Variants in PYHIN1 observed in about 807,000 individuals in gnomAD.
PYHIN1 encodes pyrin and HIN domain family member 1, also known as pyrin and HIN domain-containing protein 1.
Under a neutral mutation model 43.7 loss-of-function variants are expected in PYHIN1, and 32 were observed. That is an observed-to-expected ratio of 0.73 (90% CI 0.55 to 0.98). PYHIN1 has a LOEUF of 0.98. PYHIN1 is among the 50% of genes least tolerant of loss of function. The pLI is 0.00. For synonymous variants in PYHIN1, 205 were observed against 203.1 expected (o/e 1.01, Z -0.08); for missense variants, 588 against 589.5 (o/e 1.00, Z 0.03).
In PYHIN1 at chr1:158,933,506, T is replaced by A. The variant is rs1193494949; in HGVS notation, c.-21+1730T>A. 6.6e-6 allele frequency among the ~76,000 whole-genome samples: 1 copy of A among 152,006 alleles called. No individual in the cohort carries two copies. The highest frequency in any genetic ancestry group is 6.6e-5 in the Admixed American group (1 of 15,262). On this transcript the variant is annotated intron_variant, in intron 1 of 8. Transcript: ENST00000368140. The surrounding 1 kb of genome is among the most constrained non-coding windows in gnomAD (Gnocchi z 6.3). ...CTTCTAGTTTCTCCTTGCATGATAA[T>A]TTAAATTTTTTTTCATCTTTCAGTG...
intron 7 of PYHIN1, among the ~76,000 whole-genome samples, chr1:158,963,638 A>G (rs1004088532): frequency 5.3e-5 from 8 of 152,222 alleles, no homozygotes; most frequent in African/African-American, 1.9e-4. Flanking sequence ...CACCTACTGG[A>G]TCACAGCCCA....
intron 7 of PYHIN1, among the ~76,000 whole-genome samples, chr1:158,963,768 A>C (rs1320170559): frequency 1.3e-5 from 2 of 152,222 alleles, no homozygotes; most frequent in African/African-American, 4.8e-5. Flanking sequence ...CCAGGAAAGA[A>C]GGTTTCTAAC....
chr1:158,977,917 T>C (rs1281149239), downstream of PYHIN1, among the ~76,000 whole-genome samples: 1 of 152,100 alleles, frequency 6.6e-6, no homozygotes, highest in African/African-American at 2.4e-5. Flanking sequence ...GGATTCCACC[T>C]AAGATGGAGA....
intron 7 of PYHIN1, among the ~76,000 whole-genome samples, chr1:158,972,963 G>A (rs1651019993): frequency 6.6e-6 from 1 of 152,112 alleles, no homozygotes; most frequent in Non-Finnish European, 1.5e-5. Context: ...TTATATCTGT[G>A]TGTATGAAAT....
At chr1:158,968,397 A>T (rs1425461415) in intron 7 of PYHIN1, among the ~76,000 whole-genome samples, 1 of 152,000 alleles carries the variant, frequency 6.6e-6, no homozygotes, top group East Asian at 1.9e-4. Flanking sequence ...CAATGAGGTA[A>T]CATCTCACAC....
chr1:158,957,339 A>G (rs1650004043), intron 7 of PYHIN1, among the ~76,000 whole-genome samples: 1 of 151,974 alleles, frequency 6.6e-6, no homozygotes, highest in Non-Finnish European at 1.5e-5. Flanking sequence ...GCATCACACT[A>G]CCTGACTTCA....
At chr1:158,951,668 T>G (rs1341977958) in intron 7 of PYHIN1, among the ~76,000 whole-genome samples, 10 of 152,208 alleles carry the variant, frequency 6.6e-5, no homozygotes, top group Non-Finnish European at 7.3e-5. Flanking sequence ...AAACATTTAC[T>G]AGACTTTTTG....
chr1:158,981,107 G>A (rs755231878), downstream of PYHIN1, among the ~76,000 whole-genome samples: 7 of 152,102 alleles, frequency 4.6e-5, no homozygotes, highest in African/African-American at 1.4e-4. Context: ...TTATGGCTCC[G>A]TAGTGTACCA....
At chr1:158,974,236 T>A (rs1448304682) in intron 8 of PYHIN1, among the ~76,000 whole-genome samples, 1 of 152,032 alleles carries the variant, frequency 6.6e-6, no homozygotes, top group African/African-American at 2.4e-5. Flanking sequence ...TTTGCCCCAA[T>A]ATATTTCTGG....
chr1:158,943,788 A>T lies in PYHIN1; in HGVS notation c.1003-2A>T. On this transcript the variant is annotated splice_acceptor_variant, in intron 5 of 8. Coordinates refer to ENST00000368140, the MANE Select transcript of PYHIN1 (RefSeq NM_152501.5). LOFTEE classifies it high-confidence loss of function. ...AAACATGATATTAATTTTTTGTTGC[A>T]GAAAATTGTAAATAGGAAGACGACA... 2 of 1,591,146 alleles carry T rather than the reference A, an allele frequency of 1.3e-6. No individual in the cohort carries two copies. Among genetic ancestry groups the T allele is most frequent in the Non-Finnish European group, 8.6e-7 (1 of 1,164,994 alleles).
downstream of PYHIN1, among the ~76,000 whole-genome samples, chr1:158,977,407 C>T (rs945784141): frequency 2.0e-5 from 3 of 152,082 alleles, no homozygotes; most frequent in Non-Finnish European, 1.5e-5. Context: ...AGGCACTTGC[C>T]TATGTTAGAG....
At chr1:158,945,904 T>C (rs1047504162) in intron 7 of PYHIN1, among the ~76,000 whole-genome samples, 2 of 152,114 alleles carry the variant, frequency 1.3e-5, no homozygotes, top group Non-Finnish European at 2.9e-5. Flanking sequence ...CTGTCCCAAT[T>C]GACATAGAAG....
At chr1:158,937,232 T>G in intron 2 of PYHIN1, 57 bp downstream of exon 2, 1 of 1,498,284 alleles carries the variant, frequency 6.7e-7, no homozygotes, top group Non-Finnish European at 8.9e-7. Flanking sequence ...TTCCCAACCT[T>G]GATTAGAACG....
At chr1:158,978,919 A>C (rs910199539), downstream of PYHIN1, among the ~76,000 whole-genome samples, 3 of 152,156 alleles carry the variant, frequency 2.0e-5, no homozygotes, top group African/African-American at 7.2e-5. Flanking sequence ...CCTAACTTTG[A>C]AATGTGTGAA....
intron 7 of PYHIN1, among the ~76,000 whole-genome samples, chr1:158,961,923 T>C (rs1341160726): frequency 6.6e-6 from 1 of 152,134 alleles, no homozygotes; most frequent in African/African-American, 2.4e-5. Flanking sequence ...CACTGGACTC[T>C]AAGCCTCGCC....
the PYHIN1 span, among the ~76,000 whole-genome samples, chr1:158,986,925 A>C: frequency 6.6e-6 from 1 of 152,006 alleles, no homozygotes; most frequent in South Asian, 2.1e-4. Context: ...AGAGTGGGCC[A>C]CTCTACACCT....
At chr1:158,973,451 G>A (rs1444076062) in intron 7 of PYHIN1, among the ~76,000 whole-genome samples, 196 bp from the exon 8 acceptor site, 3 of 150,814 alleles carry the variant, frequency 2.0e-5, no homozygotes, top group Non-Finnish European at 4.4e-5. Flanking sequence ...AAAACTAAAT[G>A]TATGCCAGCA....
chr1:158,938,561 A>T lies in PYHIN1; in HGVS notation c.411+19A>T. On this transcript the variant is annotated intron_variant, in intron 3 of 8. Transcript: ENST00000368140. ...ACCTCAGGTAAGCTTCAGGAAGAGG[A>T]GCAGGCTTCAAGTCTCACAGTGGAA... 8 of 1,613,162 alleles carry T rather than the reference A, an allele frequency of 5.0e-6. No individual in the cohort carries two copies. Among genetic ancestry groups the T allele is most frequent in the Non-Finnish European group, 6.8e-6 (8 of 1,179,572 alleles).
intron 4 of PYHIN1, among the ~76,000 whole-genome samples, chr1:158,941,123 A>G (rs759068624): frequency 1.3e-5 from 2 of 152,212 alleles, no homozygotes; most frequent in Non-Finnish European, 2.9e-5. Flanking sequence ...ACAGATGATC[A>G]CTGTATATGG....
Sources: allele counts gnomAD v4.1 joint callset (sites outside exome capture counted in the v4.1 genomes callset), GRCh38; gene constraint gnomAD v4.1.1; non-coding constraint Gnocchi (gnomAD v3.1); transcripts MANE v1.5; gene names NCBI Gene and HGNC (gene_info 2026-07-23, HGNC 2026-07-21).